KIRREL3: variants seen among roughly 807,000 people sequenced by gnomAD.
KIRREL3 encodes the protein kin of IRRE-like protein 3.
Under a neutral mutation model 89.7 loss-of-function variants are expected in KIRREL3, and 36 were observed. That is an observed-to-expected ratio of 0.40 (90% CI 0.31 to 0.53). The LOEUF is 0.53. Ranked by LOEUF, KIRREL3 falls within the 20% of genes least tolerant of loss-of-function variation. The probability of loss-of-function intolerance (pLI) is 0.49; values close to 1 mark genes in which losing one functional copy is unlikely to be tolerated. For synonymous variants in KIRREL3, 445 were observed against 441.4 expected (o/e 1.01, Z -0.10); for missense variants, 864 against 1,056.6 (o/e 0.82, Z 2.53).
intron 1 of KIRREL3, among the ~76,000 whole-genome samples, chr11:126,851,102 G>T (rs868771794): frequency 1.2e-4 from 19 of 152,202 alleles, no homozygotes; most frequent in Admixed American, 2.6e-4. Flanking sequence ...GGTAGGAAAA[G>T]AATTCTGTAT....
At chr11:126,648,672 A>C (rs1944788932) in intron 1 of KIRREL3, among the ~76,000 whole-genome samples, 1 of 152,224 alleles carries the variant, frequency 6.6e-6, no homozygotes, top group Admixed American at 6.5e-5. Context: ...CAGATATTTA[A>C]AATTTGTTGA....
chr11:126,469,679 G>C (rs1397341874), intron 5 of KIRREL3, among the ~76,000 whole-genome samples: 1 of 152,240 alleles, frequency 6.6e-6, no homozygotes, highest in African/African-American at 2.4e-5. Flanking sequence ...CTGGCCGTGG[G>C]GTGGACAGTT....
intron 1 of KIRREL3, among the ~76,000 whole-genome samples, chr11:126,854,942 A>G (rs1469017625): frequency 1.3e-5 from 2 of 152,154 alleles, no homozygotes; most frequent in Non-Finnish European, 2.9e-5. Context: ...CTTCACAGAT[A>G]TAGATTCACC....
At chr11:126,942,692 A>G (rs766208525) in intron 1 of KIRREL3, among the ~76,000 whole-genome samples, 14 of 152,212 alleles carry the variant, frequency 9.2e-5, no homozygotes, top group Non-Finnish European at 1.6e-4. Context: ...AGTGTAATGC[A>G]ACCTCAGAGG....
chr11:126,826,728 A>T (rs960653316), intron 1 of KIRREL3, among the ~76,000 whole-genome samples: 3 of 152,208 alleles, frequency 2.0e-5, no homozygotes, highest in African/African-American at 7.2e-5. Flanking sequence ...TGGGGTTTCA[A>T]CCTGACAGCA....
intron 1 of KIRREL3, among the ~76,000 whole-genome samples, chr11:126,928,183 G>A (rs1284496868): frequency 6.6e-6 from 1 of 152,218 alleles, no homozygotes; most frequent in Non-Finnish European, 1.5e-5. Flanking sequence ...AGCTTCACTG[G>A]CCTTGAGGAT....
intron 1 of KIRREL3, among the ~76,000 whole-genome samples, chr11:126,790,063 T>C (rs559201849): frequency 1.3e-5 from 2 of 152,368 alleles, no homozygotes; most frequent in South Asian, 2.1e-4. Context: ...TCTGTCTTAG[T>C]AACTAAAACC....
rs1244557564 is a variant in KIRREL3 at position 126,457,193 on chromosome 11, G to GTGTGTGTGTGTGTGTGTGTGTGTGTA, written c.743-740_743-739insTACACACACACACACACACACACACA. The stretch of plus-strand genomic sequence containing the variant: ...ATAGAGGAAGAGAGATTATGTGTGT[G>GTGTGTGTGTGTGTGTGTGTGTGTGTA]TGTGTGTGTGTGTGTGTATGTGTAT... On this transcript the variant is annotated intron_variant, in intron 6 of 16. Transcript: ENST00000525144. Among the ~76,000 whole-genome samples, 1,045 of 149,002 alleles carry GTGTGTGTGTGTGTGTGTGTGTGTGTA rather than the reference G, an allele frequency of 7.0e-3. 17 individuals are homozygous for GTGTGTGTGTGTGTGTGTGTGTGTGTA. In the East Asian group the frequency reaches 0.088, roughly 13 times the overall value.
At position 126,620,863 on chromosome 11, in the gene KIRREL3, C is replaced by A. The variant is rs1031399456; in HGVS notation, c.56-57951G>T. ...AGTGAGGAAGGCCGTACCCCACTTG[C>A]TGGATGAGAACATACTGACAAATAG... is the stretch of plus-strand genomic sequence containing the variant. On this transcript the variant is annotated intron_variant, in intron 1 of 16. Transcript: ENST00000525144. This position sits in a 1 kb window ranked among gnomAD's most constrained non-coding sequence, Gnocchi z 4.8. 6.6e-6 allele frequency among the ~76,000 whole-genome samples: 1 copy of A among 152,210 alleles called. No individual in the cohort carries two copies. The highest frequency in any genetic ancestry group is 1.5e-5 in the Non-Finnish European group (1 of 68,034).
chr11:126,865,340 C>T (rs1297830835), intron 1 of KIRREL3, among the ~76,000 whole-genome samples: 2 of 152,246 alleles, frequency 1.3e-5, no homozygotes, highest in African/African-American at 4.8e-5. Flanking sequence ...GTCTGATGTG[C>T]AAGAGGCGGC....
In KIRREL3 at chr11:126,528,388, G is replaced by C. The variant is rs894847089; in HGVS notation, c.134-1701C>G. ...AGACACTTGGTGTGTATCAACCCAG[G>C]GGAGCTTGGATGGCAGCAGAGCTTG... On this transcript the variant is annotated intron_variant, in intron 2 of 16. Coordinates refer to ENST00000525144, the MANE Select transcript of KIRREL3 (RefSeq NM_032531.4). This position sits in a 1 kb window ranked among gnomAD's most constrained non-coding sequence, Gnocchi z 4.6. Among the ~76,000 whole-genome samples, 1 of 152,176 alleles carries C rather than the reference G, an allele frequency of 6.6e-6. No homozygotes were observed. The highest frequency in any genetic ancestry group is 2.4e-5 in the African/African-American group (1 of 41,436).
chr11:126,735,644 G>A (rs1356384201), intron 1 of KIRREL3, among the ~76,000 whole-genome samples: 2 of 152,122 alleles, frequency 1.3e-5, no homozygotes, highest in Admixed American at 6.5e-5. Flanking sequence ...GAAAAGAAGT[G>A]GATATCAAAA....
chr11:126,842,658 T>A (rs569405279), intron 1 of KIRREL3, among the ~76,000 whole-genome samples: 299 of 152,334 alleles, frequency 2.0e-3, no homozygotes, highest in Non-Finnish European at 3.1e-3. Flanking sequence ...CGTGTTGGTT[T>A]ATAAAATGAA....
intron 1 of KIRREL3, among the ~76,000 whole-genome samples, chr11:126,667,044 AC>A (rs11295368): frequency 0.021 from 3,196 of 152,342 alleles, 118 homozygotes; most frequent in African/African-American, 0.071. Flanking sequence ...ATCATTTTGT[AC>A]AATTTATTTC....
At position 126,802,044 on chromosome 11, in the gene KIRREL3, T is replaced by C. The variant is rs1951052462; in HGVS notation, c.55+198411A>G. Among the ~76,000 whole-genome samples the C allele has an allele frequency of 6.6e-6, 1 of 152,202 alleles. No individual in the cohort carries two copies. The highest frequency in any genetic ancestry group is 2.1e-4 in the South Asian group (1 of 4,830). On this transcript the variant is annotated intron_variant, in intron 1 of 16. Coordinates refer to ENST00000525144, the MANE Select transcript of KIRREL3 (RefSeq NM_032531.4). This position sits in a 1 kb window ranked among gnomAD's most constrained non-coding sequence, Gnocchi z 5.2. ...AGTTGGTTGAAACCTGATTAATTGC[T>C]ATTCCATAGGCAAATGATGCTGCCA...
intron 1 of KIRREL3, among the ~76,000 whole-genome samples, chr11:126,658,110 C>A (rs554277753): frequency 1.3e-5 from 2 of 152,178 alleles, no homozygotes; most frequent in South Asian, 4.1e-4. Context: ...CTTTAAGACT[C>A]GCAGCTTCAA....
chr11:126,753,915 T>A (rs867598648), intron 1 of KIRREL3, among the ~76,000 whole-genome samples: 2 of 152,334 alleles, frequency 1.3e-5, no homozygotes, highest in Middle Eastern at 3.4e-3. Context: ...TAAATATGTA[T>A]GCTGCCCAAG....
At chr11:126,935,831 A>G (rs1197979156) in intron 1 of KIRREL3, 6 of 152,214 alleles carry the variant, frequency 3.9e-5, no homozygotes, top group African/African-American at 1.4e-4. Context: ...GTTCAAACCC[A>G]TAACATGTAC....
rs1306859687 is a variant in KIRREL3 at position 126,498,928 on chromosome 11, G to A, written c.433+22387C>T. ...GCCTGTAATCCCAGCACTTTGGGAG[G>A]TGGAGGCGGGTGGATCACCTGAGGT... On this transcript the variant is annotated intron_variant, in intron 4 of 16. Transcript: ENST00000525144. The surrounding 1 kb of genome is among the most constrained non-coding windows in gnomAD (Gnocchi z 4.3). Among the ~76,000 whole-genome samples the A allele has an allele frequency of 6.6e-6, 1 of 152,202 alleles. No individual in the cohort carries two copies. The highest frequency in any genetic ancestry group is 1.5e-5 in the Non-Finnish European group (1 of 68,046).
Sources: allele counts gnomAD v4.1 joint callset (sites outside exome capture counted in the v4.1 genomes callset), GRCh38; gene constraint gnomAD v4.1.1; non-coding constraint Gnocchi (gnomAD v3.1); transcripts MANE v1.5; gene names NCBI Gene and HGNC (gene_info 2026-07-23, HGNC 2026-07-21).